The following HEXB variants were observed in gnomAD, a reference collection of about 807,000 sequenced individuals.
The protein encoded by HEXB is beta-hexosaminidase subunit beta.
Under a neutral mutation model 71.2 loss-of-function variants are expected in HEXB, and 51 were observed. The ratio of observed to expected loss-of-function variants is 0.72; its 90% CI spans 0.57 to 0.90. The LOEUF (loss-of-function observed/expected upper bound fraction) is 0.90. Ranked by LOEUF, HEXB falls within the 40% of genes least tolerant of loss-of-function variation. HEXB has a pLI of 0.00. For synonymous variants in HEXB, 266 were observed against 249.3 expected (o/e 1.07, Z -0.63); for missense variants, 617 against 677.0 (o/e 0.91, Z 0.98).
intron 6 of HEXB, among the ~76,000 whole-genome samples, chr5:74,706,714 C>G (rs1238475436): frequency 6.6e-6 from 1 of 152,162 alleles, no homozygotes; most frequent in African/African-American, 2.4e-5. Flanking sequence ...AGTCTGAGAT[C>G]AAACTGCAAG....
chr5:74,703,321 A>G (rs1338023789), intron 5 of HEXB, among the ~76,000 whole-genome samples: 1 of 152,312 alleles, frequency 6.6e-6, no homozygotes, highest in South Asian at 2.1e-4. Context: ...TGCCTCTTAC[A>G]TCCCTTGCAG....
In HEXB at chr5:74,718,950, G is replaced by A; in HGVS notation, c.1396G>A (p.Val466Met). 6.2e-7 allele frequency: 1 copy of A among 1,614,098 alleles called. No homozygotes were observed. ...ACAAGATTGGAGGAAATACTATAAA[G>A]TGGAACCTCTTGATTTTGGCGGTAA... ...YGQDWRKYYK[V>M]EPLDFGGTQK... is the part of the protein sequence containing the mutation. Residue 466 changes from valine to methionine, a missense_variant, in exon 11 of 14, where the codon GTG (valine) becomes ATG (methionine). Transcript: ENST00000261416.
rs1180357152 is a variant in HEXB, at chr5:74,641,310, C to G, written c.-377+752C>G. 4 of 152,380 alleles carry G rather than the reference C, an allele frequency of 2.6e-5. No homozygotes were observed. Among genetic ancestry groups the G allele is most frequent in the East Asian group, 1.9e-4 (1 of 5,184 alleles). 9.4% of individuals were successfully genotyped at this position (152,380 alleles called of 1,614,324 possible). ...TTTAGGGACACTCGGGTTGAGCAAG[C>G]CAGGACGTTTAAGTTTCTTGCTGGC... On this transcript the variant is annotated intron_variant, in intron 1 of 13. Transcript: ENST00000511181. This position sits in a 1 kb window ranked among gnomAD's most constrained non-coding sequence, Gnocchi z 4.1.
upstream of HEXB, among the ~76,000 whole-genome samples, chr5:74,684,046 C>A (rs186092123): frequency 2.6e-5 from 4 of 152,020 alleles, no homozygotes; most frequent in African/African-American, 9.7e-5. Flanking sequence ...GTCTCGAACT[C>A]CTGAACTTGT....
intron 13 of HEXB, 123 bp from the exon 14 acceptor site, chr5:74,720,995 A>C: frequency 1.1e-6 from 1 of 910,296 alleles, no homozygotes; most frequent in Non-Finnish European, 1.8e-6. Context: ...TATTTTCAGT[A>C]ATGCTGTGAT....
At chr5:74,686,733 G>T (rs376076398) in intron 1 of HEXB, among the ~76,000 whole-genome samples, 2 of 152,176 alleles carry the variant, frequency 1.3e-5, no homozygotes, top group East Asian at 3.9e-4. Flanking sequence ...ATCTGCTAAG[G>T]CCAGAGTGGG....
At chr5:74,698,021 C>T (rs538823627) in intron 5 of HEXB, among the ~76,000 whole-genome samples, 21 of 151,802 alleles carry the variant, frequency 1.4e-4, no homozygotes, top group Admixed American at 9.8e-4. Context: ...TGTTTTTTTG[C>T]ACCTTCACTT....
chr5:74,688,439 G>A (rs820888), intron 1 of HEXB, among the ~76,000 whole-genome samples: 85,466 of 119,588 alleles, frequency 0.71, 32,804 homozygotes, highest in Non-Finnish European at 0.76. Flanking sequence ...GGTCCAAGCA[G>A]TTCTCCTGCC....
intron 1 of HEXB, among the ~76,000 whole-genome samples, chr5:74,688,209 G>C (rs778569769): frequency 6.8e-6 from 1 of 147,240 alleles, no homozygotes; most frequent in Non-Finnish European, 1.5e-5. Context: ...CTGATTTTTG[G>C]ATACCAACAA....
intron 7 of HEXB, among the ~76,000 whole-genome samples, chr5:74,714,179 T>C (rs78290341): frequency 1.3e-3 from 203 of 152,284 alleles, no homozygotes; most frequent in African/African-American, 4.8e-3. Context: ...TTTGAGGTAT[T>C]GCATTTCTTA....
At chr5:74,712,916 A>G (rs1749583245) in intron 6 of HEXB, among the ~76,000 whole-genome samples, 1 of 152,190 alleles carries the variant, frequency 6.6e-6, no homozygotes, top group South Asian at 2.1e-4. Flanking sequence ...GGACTGAGGT[A>G]ATCATTAAAA....
chr5:74,646,455 A>G (rs1748002805), intron 1 of HEXB, among the ~76,000 whole-genome samples: 1 of 152,134 alleles, frequency 6.6e-6, no homozygotes, highest in Admixed American at 6.5e-5. Flanking sequence ...TTTTGCAACA[A>G]AAGCTCAGAT....
intron 9 of HEXB, among the ~76,000 whole-genome samples, chr5:74,717,652 A>C (rs1006950608): frequency 2.0e-5 from 3 of 151,610 alleles, no homozygotes; most frequent in Admixed American, 1.3e-4. Flanking sequence ...CTTAAAAAAA[A>C]CCTCAAATTT....
chr5:74,685,520 CGGGCCCCT>C lies in HEXB; in HGVS notation c.261_268del (p.Gly88LeufsTer24). ...ATCAGCCACAGCCCCAATTCCACGG[CGGGCCCCT>C]CCTGCACCCTGCTGGAGGAAGCGTT... On this transcript the variant is annotated frameshift_variant, in exon 1 of 14. Coordinates refer to ENST00000261416, the MANE Select transcript of HEXB (RefSeq NM_000521.4). LOFTEE classifies it high-confidence loss of function. The C allele has an allele frequency of 6.2e-7, 1 of 1,603,258 alleles. No homozygotes were observed. Among genetic ancestry groups the C allele is most frequent in the East Asian group, 2.3e-5 (1 of 44,298 alleles).
chr5:74,711,015 C>T (rs1242604516), intron 6 of HEXB, among the ~76,000 whole-genome samples: 6 of 150,448 alleles, frequency 4.0e-5, no homozygotes, highest in South Asian at 2.1e-4. Context: ...GGAGGCATCA[C>T]GCTACCTGAC....
At chr5:74,688,581 G>T (rs921739290) in intron 1 of HEXB, among the ~76,000 whole-genome samples, 3 of 152,126 alleles carry the variant, frequency 2.0e-5, no homozygotes, top group Non-Finnish European at 4.4e-5. Flanking sequence ...CTGACCTCGT[G>T]ATCCTCCCGC....
At chr5:74,644,764 CTTTTTTTT>C (rs3058406) in intron 1 of HEXB, among the ~76,000 whole-genome samples, 1 of 72,936 alleles carries the variant, frequency 1.4e-5, no homozygotes, top group Admixed American at 2.5e-4. Context: ...CTTTTTTTTC[CTTTTTTTT>C]TTTTTTTTTT....
chr5:74,664,454 CAGAG>C (rs1334546382), intron 1 of HEXB, among the ~76,000 whole-genome samples: 2 of 86,454 alleles, frequency 2.3e-5, no homozygotes, highest in Admixed American at 2.2e-4. Flanking sequence ...AAAAAAAAAA[CAGAG>C]AGAGAGAGAA....
intron 1 of HEXB, among the ~76,000 whole-genome samples, chr5:74,660,236 TAA>T (rs1211476066): frequency 6.6e-6 from 1 of 152,218 alleles, no homozygotes; most frequent in Admixed American, 6.5e-5. Flanking sequence ...TGTTCAGCCC[TAA>T]ATAATGACTT....
Sources: allele counts gnomAD v4.1 joint callset (sites outside exome capture counted in the v4.1 genomes callset), GRCh38; gene constraint gnomAD v4.1.1; non-coding constraint Gnocchi (gnomAD v3.1); transcripts MANE v1.5; gene names NCBI Gene and HGNC (gene_info 2026-07-23, HGNC 2026-07-21).